Variants in TMF1 observed in about 807,000 individuals in gnomAD.
The protein encoded by TMF1 is TATA element modulatory factor 1, also known as TATA element modulatory factor.
TMF1 carries 71 observed loss-of-function variants against 126.5 expected under a neutral mutation model. That is an observed-to-expected ratio of 0.56 (90% CI 0.46 to 0.68). TMF1 has a LOEUF of 0.68. Among genes scored for constraint, TMF1 ranks in the 30% least tolerant of loss-of-function variants. The pLI is 0.00. For synonymous variants in TMF1, 461 were observed against 430.5 expected (o/e 1.07, Z -0.88); for missense variants, 1,259 against 1,253.2 (o/e 1.00, Z -0.07).
intron 8 of TMF1, among the ~76,000 whole-genome samples, chr3:69,037,657 T>G (rs2107463010): frequency 6.6e-6 from 1 of 151,650 alleles, no homozygotes; most frequent in South Asian, 2.1e-4. Context: ...AAAAAGAAAA[T>G]TAGCCAGGCA....
Position 69,038,955 on chromosome 3 carries a change from G to GT in TMF1, c.1881dup (p.Leu628ThrfsTer21). ...TCTTGGCGTTCTACCATGGAATTTA[G>GT]TTTTTTAATATTTTCTCTATGTTGT... On this transcript the variant is annotated frameshift_variant, in exon 7 of 17. Coordinates refer to ENST00000398559, the MANE Select transcript of TMF1 (RefSeq NM_007114.3). LOFTEE classifies it high-confidence loss of function. 3 of 1,609,698 alleles carry GT rather than the reference G, an allele frequency of 1.9e-6. No individual in the cohort carries two copies. Among genetic ancestry groups the GT allele is most frequent in the South Asian group, 1.1e-5 (1 of 90,060 alleles).
chr3:69,031,364 T>G (rs2107458667), intron 10 of TMF1, among the ~76,000 whole-genome samples: 1 of 152,288 alleles, frequency 6.6e-6, no homozygotes, highest in East Asian at 1.9e-4. Flanking sequence ...GTTGGAACTG[T>G]TCAATATCTT....
chr3:69,051,361 G>A (rs1020645832), intron 1 of TMF1, among the ~76,000 whole-genome samples: 1 of 152,096 alleles, frequency 6.6e-6, no homozygotes, highest in African/African-American at 2.4e-5. Flanking sequence ...TGTAATCCCA[G>A]CTACTAGGGA....
chr3:69,045,130 A>G (rs1280917377), intron 2 of TMF1, among the ~76,000 whole-genome samples: 1 of 152,230 alleles, frequency 6.6e-6, no homozygotes, highest in Non-Finnish European at 1.5e-5. Context: ...CCCGAAACAC[A>G]TACCCTTTTT....
Position 69,038,690 on chromosome 3 carries a change from A to G in TMF1, c.2025T>C (p.Ala675=), listed in dbSNP as rs1437319930. Residue 675 remains alanine (A), a synonymous_variant, in exon 8 of 17, where the codon GCT becomes GCC. Transcript: ENST00000398559. ...CTTCCTGTGCCTCACTATCCTTTGC[A>G]GCATTGGCTTTGTGAAGATCAGTAA... is the stretch of plus-strand genomic sequence containing the variant. ...KELTDLHKAN[A]AKDSEAQEAA... 3.1e-6 allele frequency: 5 copies of G among 1,613,412 alleles called. No homozygotes were observed. The East Asian group carries it at 8.9e-5, about 29-fold the overall frequency.
chr3:69,028,382 A>T, intron 11 of TMF1, 87 bp from the exon 12 acceptor site: 1 of 788,860 alleles, frequency 1.3e-6, no homozygotes, highest in Non-Finnish European at 2.1e-6. Flanking sequence ...TATTAACTCC[A>T]GCTACATATT....
Position 69,044,623 on chromosome 3 carries a change from G to A in TMF1, c.1348-28C>T, listed in dbSNP as rs776737178. 3.4e-6 allele frequency: 5 copies of A among 1,489,884 alleles called. No homozygotes were observed. The Admixed American group carries it at 8.0e-5, about 24-fold the overall frequency. 92.3% of individuals were successfully genotyped at this position (1,489,884 alleles called of 1,614,324 possible). On this transcript the variant is annotated intron_variant, in intron 2 of 16. Coordinates refer to ENST00000398559, the MANE Select transcript of TMF1 (RefSeq NM_007114.3). ...GGATAAGGCGAATACATAAAAGTCA[G>A]AACGCTTAGCTTTAAAAAAGACCAT...
In TMF1 at chr3:69,048,069, A is replaced by G. The variant is rs2091906052; in HGVS notation, c.636T>C (p.Asn212=). ...CTGCTGTGAGAGACTGCGTAGACGT[A>G]TTAGATATACTTTCCATAGTTGTTT... ...DVKTTMESIS[N]TSTQSLTAET... The change falls in exon 2 of 17, where the codon AAT becomes AAC. Residue 212 remains asparagine (N), a synonymous_variant. Transcript: ENST00000398559. The G allele has an allele frequency of 1.2e-6, 2 of 1,614,172 alleles. No individual in the cohort carries two copies. Among genetic ancestry groups the G allele is most frequent in the Admixed American group, 3.3e-5 (2 of 60,028 alleles).
At chr3:69,032,186 C>A (rs907631482) in intron 10 of TMF1, among the ~76,000 whole-genome samples, 3 of 152,124 alleles carry the variant, frequency 2.0e-5, no homozygotes, top group African/African-American at 7.2e-5. Context: ...TATCAAGCTT[C>A]CCTCTCACCA....
In TMF1 at chr3:69,047,507, C is replaced by T. The variant is rs745695301; in HGVS notation, c.1198G>A (p.Ala400Thr). The T allele has an allele frequency of 1.2e-6, 2 of 1,614,080 alleles. No individual in the cohort carries two copies. Among genetic ancestry groups the T allele is most frequent in the East Asian group, 2.2e-5 (1 of 44,890 alleles). ...EAEMEESGRS[A>T]TPVNCEQPDI... ...GGCTGTTCACAGTTAACAGGAGTTG[C>T]ACTTCGTCCACTTTCTTCCATTTCT... Residue 400 changes from alanine (A) to threonine (T), a missense_variant, in exon 2 of 17, where the codon GCA becomes ACA. Transcript: ENST00000398559.
chr3:69,052,222 A>T lies in TMF1; in HGVS notation c.-136T>A, dbSNP rs2091935427. 1 of 983,486 alleles carries T rather than the reference A, an allele frequency of 1.0e-6. No homozygotes were observed. Among genetic ancestry groups the T allele is most frequent in the Admixed American group, 3.1e-5 (1 of 31,876 alleles). The allele number at this position is 983,486 out of a possible 1,614,324, so 60.9% of individuals were successfully genotyped here. A position where few individuals can be genotyped will look rare whatever the true frequency, so the allele number is the denominator to read the frequency against. On this transcript the variant is annotated 5_prime_UTR_variant, in exon 1 of 17. Coordinates refer to ENST00000398559, the MANE Select transcript of TMF1 (RefSeq NM_007114.3). ...GTCAGCGTGTGGCCATTACCCCGAC[A>T]GCCTCCCGCGAGCCCGGGATGTTAC... is the stretch of plus-strand genomic sequence containing the variant.
At chr3:69,027,201 G>A (rs1191601215) in intron 13 of TMF1, among the ~76,000 whole-genome samples, 1 of 151,958 alleles carries the variant, frequency 6.6e-6, no homozygotes, top group Non-Finnish European at 1.5e-5. Flanking sequence ...TTGCCATGTT[G>A]GCCAGGCTGG....
At chr3:69,041,346 T>A (rs2091863864) in intron 5 of TMF1, among the ~76,000 whole-genome samples, 2 of 152,170 alleles carry the variant, frequency 1.3e-5, no homozygotes, top group African/African-American at 4.8e-5. Flanking sequence ...AAGGACAGAG[T>A]GTCATACTTA....
rs747472805 is a variant in TMF1, at chr3:69,035,122, G to T, written c.2152-7C>A. On this transcript the variant is annotated splice_region_variant and splice_polypyrimidine_tract_variant and intron_variant, in intron 8 of 16. Transcript: ENST00000398559. ...CAAGCCTAAGGTCCCCCACCTGTAGGAGGAGAAACAATACATTCACAAACA... is the reference window on the plus strand; with the variant it reads ...CAAGCCTAAGGTCCCCCACCTGTAGTAGGAGAAACAATACATTCACAAACA... The T allele has an allele frequency of 6.2e-7, 1 of 1,611,486 alleles. No homozygotes were observed. The highest frequency in any genetic ancestry group is 8.5e-7 in the Non-Finnish European group (1 of 1,178,058).
At position 69,029,985 on chromosome 3, in the gene TMF1, T is replaced by C. The variant is rs200330868; in HGVS notation, c.2424A>G (p.Ala808=). 3 of 1,613,708 alleles carry C rather than the reference T, an allele frequency of 1.9e-6. No individual in the cohort carries two copies. Among genetic ancestry groups the C allele is most frequent in the Admixed American group, 3.3e-5 (2 of 59,960 alleles). ...CTGCACGTTCTCTCTCAACTGCTGC[T>C]GCCAGCAAGGTCTGGGATTCACCTG... ...DRLGESQTLL[A]AAVERERAAT... is the part of the protein sequence containing the mutation. Residue 808 remains alanine, a synonymous_variant, in exon 11 of 17, where the codon GCA becomes GCG. Transcript: ENST00000398559.
In TMF1 at chr3:69,026,015, T is replaced by C; in HGVS notation, c.2840A>G (p.Gln947Arg). The C allele has an allele frequency of 6.2e-7, 1 of 1,613,528 alleles. No individual in the cohort carries two copies. Residue 947 changes from glutamine to arginine, a missense_variant, in exon 14 of 17, where the codon CAG becomes CGG. Coordinates refer to ENST00000398559, the MANE Select transcript of TMF1 (RefSeq NM_007114.3). ...SISGVDMAGL[Q>R]TSFLSQDESH... Reference sequence around the variant, plus strand: ...CATCACCTGAGACAGAAAAGATGTCTGTAGTCCTGCCATATCAACACCACT... The same window carrying C: ...CATCACCTGAGACAGAAAAGATGTCCGTAGTCCTGCCATATCAACACCACT...
intron 5 of TMF1, 63 bp from the exon 6 acceptor site, chr3:69,039,756 G>A (rs2091853258): frequency 6.6e-7 from 1 of 1,512,050 alleles, no homozygotes; most frequent in Non-Finnish European, 8.8e-7. Flanking sequence ...TCAATAGAAT[G>A]TTTTATCTAA....
At chr3:69,032,643 C>T (rs1295684408) in intron 10 of TMF1, among the ~76,000 whole-genome samples, 1 of 148,670 alleles carries the variant, frequency 6.7e-6, no homozygotes, top group Non-Finnish European at 1.5e-5. Flanking sequence ...TGCAGTCTCG[C>T]TCTGTCACCC....
chr3:69,025,540 A>G lies in TMF1; in HGVS notation c.3012+20T>C. 1 of 1,599,080 alleles carries G rather than the reference A, an allele frequency of 6.3e-7. No individual in the cohort carries two copies. Among genetic ancestry groups the G allele is most frequent in the South Asian group, 1.1e-5 (1 of 88,622 alleles). Reference sequence around the variant, plus strand: ...TCAAAACTTCATTTACTTCTATAGCAAATTTAATTTTTCCAATACCTGTAA... The same window carrying G: ...TCAAAACTTCATTTACTTCTATAGCGAATTTAATTTTTCCAATACCTGTAA... On this transcript the variant is annotated intron_variant, in intron 15 of 16. Transcript: ENST00000398559.
Sources: gnomAD v4.1 joint callset for allele counts (sites outside exome capture counted in the v4.1 genomes callset) on GRCh38, gnomAD v4.1.1 for gene constraint, MANE v1.5 for transcripts, NCBI Gene and HGNC (gene_info 2026-07-23, HGNC 2026-07-21) for gene names.